SUFU: variants seen among roughly 807,000 people sequenced by gnomAD.
The protein encoded by SUFU is suppressor of fused homolog.
Under a neutral mutation model 58.9 loss-of-function variants are expected in SUFU, and 7 were observed. The observed-to-expected ratio is 0.12, with a 90% CI of 0.07 to 0.22. SUFU has a LOEUF of 0.22. Among genes scored for constraint, SUFU ranks in the 10% least tolerant of loss-of-function variants. SUFU has a pLI of 1.00. For missense variants in SUFU, 451 were observed against 641.3 expected, an observed-to-expected ratio of 0.70 and a Z score of 3.20; for synonymous variants, 232 against 254.8, an observed-to-expected ratio of 0.91 and a Z score of 0.85.
At chr10:102,536,554 G>A (rs979968098) in intron 2 of SUFU, among the ~76,000 whole-genome samples, 3 of 149,708 alleles carry the variant, frequency 2.0e-5, no homozygotes, top group African/African-American at 7.4e-5. Flanking sequence ...AGTAGAGACA[G>A]GGTTTCACCA....
intron 2 of SUFU, among the ~76,000 whole-genome samples, chr10:102,524,745 C>A (rs1008661068): frequency 6.6e-6 from 1 of 152,166 alleles, no homozygotes; most frequent in East Asian, 1.9e-4. Context: ...GTCTGTCCCC[C>A]CTCCTTCCCA....
intron 8 of SUFU, among the ~76,000 whole-genome samples, chr10:102,604,430 A>G (rs2135901805): frequency 6.6e-6 from 1 of 152,328 alleles, no homozygotes; most frequent in South Asian, 2.1e-4. Context: ...TTCCCCAAAG[A>G]GATGAAGTCA....
At position 102,553,991 on chromosome 10, in the gene SUFU, G is replaced by A. The variant is rs145980953; in HGVS notation, c.454+3885G>A. On this transcript the variant is annotated intron_variant, in intron 3 of 11. Transcript: ENST00000369902. ...GCTTGTGGTCCCAGCTACTCAGGAG[G>A]CTGAGGTGGGAGGATTACGCATAAG... is the stretch of plus-strand genomic sequence containing the variant. Among the ~76,000 whole-genome samples, 221 of 152,332 alleles carry A rather than the reference G, an allele frequency of 1.5e-3. 1 individual carries two copies. In the East Asian group the frequency reaches 0.023, roughly 16 times the overall value.
At chr10:102,593,034 A>G (rs1367859843) in intron 4 of SUFU, among the ~76,000 whole-genome samples, 1 of 152,324 alleles carries the variant, frequency 6.6e-6, no homozygotes, top group East Asian at 1.9e-4. Context: ...TCCAGCGGGA[A>G]GCCAGCTCTG....
intron 3 of SUFU, among the ~76,000 whole-genome samples, chr10:102,569,719 A>T (rs995124935): frequency 6.6e-6 from 1 of 152,206 alleles, no homozygotes; most frequent in Non-Finnish European, 1.5e-5. Context: ...ACAGATACTC[A>T]GAGGTAAGTG....
At chr10:102,584,777 AGGTAAGTAAT>A (rs1220850116) in intron 3 of SUFU, among the ~76,000 whole-genome samples, 1 of 152,168 alleles carries the variant, frequency 6.6e-6, no homozygotes, top group Non-Finnish European at 1.5e-5. Context: ...GGAAAAATAC[AGGTAAGTAAT>A]GGTACAGATG....
Position 102,630,941 on chromosome 10 carries a change from G to C in SUFU, c.*786G>C. On this transcript the variant is annotated 3_prime_UTR_variant, in exon 12 of 12. Transcript: ENST00000369902. ...GAGAGTAGAGACACTCCCTTGTGCA[G>C]CTTTGAGCCTAGTTTAGCTGGGGCC... The C allele has an allele frequency of 4.3e-6, 1 of 234,054 alleles. No individual in the cohort carries two copies. Among genetic ancestry groups the C allele is most frequent in the Non-Finnish European group, 8.4e-6 (1 of 118,662 alleles). 14.5% of individuals were successfully genotyped at this position (234,054 alleles called of 1,614,324 possible).
At chr10:102,532,420 C>G (rs577112642) in intron 2 of SUFU, among the ~76,000 whole-genome samples, 22 of 152,332 alleles carry the variant, frequency 1.4e-4, no homozygotes, top group African/African-American at 4.3e-4. Flanking sequence ...TCTCACATCT[C>G]CTTTGCACCA....
In SUFU at chr10:102,631,528, C is replaced by G. The variant is rs17114808; in HGVS notation, c.*1373C>G. 1 of 233,276 alleles carries G rather than the reference C, an allele frequency of 4.3e-6. No homozygotes were observed. The highest frequency in any genetic ancestry group is 8.5e-6 in the Non-Finnish European group (1 of 118,216). 14.5% of individuals were successfully genotyped at this position (233,276 alleles called of 1,614,324 possible). On this transcript the variant is annotated 3_prime_UTR_variant, in exon 12 of 12. Coordinates refer to ENST00000369902, the MANE Select transcript of SUFU (RefSeq NM_016169.4). ...CCCAACTCTAGGGATGGGACTGTTA[C>G]AATACTTCAAGATCACTCTTTACAC...
At chr10:102,543,920 C>G (rs1343662722) in intron 2 of SUFU, among the ~76,000 whole-genome samples, 2 of 152,278 alleles carry the variant, frequency 1.3e-5, no homozygotes, top group South Asian at 4.1e-4. Context: ...TCTGGTCACA[C>G]AGCCATAAGA....
chr10:102,618,833 A>AG (rs2063712480), intron 10 of SUFU, among the ~76,000 whole-genome samples: 1 of 151,836 alleles, frequency 6.6e-6, no homozygotes, highest in African/African-American at 2.4e-5. Flanking sequence ...ACAGGGAGGG[A>AG]GCAGGCCTGT....
intron 3 of SUFU, among the ~76,000 whole-genome samples, chr10:102,589,438 C>CTTTGTTTTTTT (rs2063371320): frequency 2.3e-5 from 1 of 44,042 alleles, no homozygotes; most frequent in Non-Finnish European, 4.4e-5. Context: ...TATTTTCTTT[C>CTTTGTTTTTTT]TTTCTTTTTT....
intron 2 of SUFU, among the ~76,000 whole-genome samples, chr10:102,525,180 G>A (rs920650219): frequency 6.6e-6 from 1 of 151,646 alleles, no homozygotes; most frequent in Admixed American, 6.6e-5. Flanking sequence ...GTGTAATCTC[G>A]GCTCACTGCA....
At position 102,506,024 on chromosome 10, in the gene SUFU, C is replaced by G. The variant is rs75710803; in HGVS notation, c.182+1690C>G. ...CCAGTGTGGGGAGCGTAGCCAGACC[C>G]TAACTCTGTTATTTGAAAAAAAAAA... On this transcript the variant is annotated intron_variant, in intron 1 of 11. Coordinates refer to ENST00000369902, the MANE Select transcript of SUFU (RefSeq NM_016169.4). 7.4e-3 allele frequency among the ~76,000 whole-genome samples: 1,026 copies of G among 138,392 alleles called. 10 individuals are homozygous for G. Among genetic ancestry groups the G allele is most frequent in the African/African-American group, 0.026 (960 of 36,464 alleles). 90.8% of individuals were successfully genotyped at this position (138,392 alleles called of 152,430 possible).
At chr10:102,612,414 C>A (rs2063636583) in intron 8 of SUFU, among the ~76,000 whole-genome samples, 2 of 152,016 alleles carry the variant, frequency 1.3e-5, no homozygotes, top group African/African-American at 4.8e-5. Flanking sequence ...TGATTAAGTT[C>A]TTTTCCATTT....
At chr10:102,577,773 C>T (rs571581323) in intron 3 of SUFU, among the ~76,000 whole-genome samples, 6 of 151,448 alleles carry the variant, frequency 4.0e-5, no homozygotes, top group Non-Finnish European at 5.9e-5. Context: ...CTCCGCCTCC[C>T]GGATTCACGC....
At chr10:102,577,988 C>T (rs554823417) in intron 3 of SUFU, among the ~76,000 whole-genome samples, 6 of 149,332 alleles carry the variant, frequency 4.0e-5, no homozygotes, top group Admixed American at 6.6e-5. Flanking sequence ...GCCAGGACTA[C>T]GAGTTTAAAA....
At chr10:102,586,870 C>T (rs1463966992) in intron 3 of SUFU, among the ~76,000 whole-genome samples, 1 of 152,196 alleles carries the variant, frequency 6.6e-6, no homozygotes, top group African/African-American at 2.4e-5. Flanking sequence ...ACTCGCTTCT[C>T]CCCCAGCCTC....
At chr10:102,540,970 A>G (rs1163976656) in intron 2 of SUFU, among the ~76,000 whole-genome samples, 2 of 152,026 alleles carry the variant, frequency 1.3e-5, no homozygotes, top group Admixed American at 6.6e-5. Flanking sequence ...TGCAGTGATC[A>G]GAGATCGCGC....
Sources: gnomAD v4.1 joint callset for allele counts (sites outside exome capture counted in the v4.1 genomes callset) on GRCh38, gnomAD v4.1.1 for gene constraint, MANE v1.5 for transcripts, NCBI Gene and HGNC (gene_info 2026-07-23, HGNC 2026-07-21) for gene names.